Variants in CUX1 observed in about 807,000 individuals in gnomAD.
CUX1 encodes the protein protein CASP.
CUX1 carries 31 observed loss-of-function variants against 158.8 expected under a neutral mutation model. The ratio of observed to expected loss-of-function variants is 0.20; its 90% CI spans 0.15 to 0.26. The LOEUF (loss-of-function observed/expected upper bound fraction) is 0.26, where lower values mean the gene tolerates loss of function less well. Ranked by LOEUF, CUX1 falls within the 10% of genes least tolerant of loss-of-function variation. The probability of loss-of-function intolerance (pLI) is 1.00; values close to 1 mark genes in which losing one functional copy is unlikely to be tolerated. For missense variants in CUX1, 1,589 were observed against 2,014.6 expected (o/e 0.79, Z 4.04); for synonymous variants, 879 against 862.1 (o/e 1.02, Z -0.34).
chr7:101,832,563 G>A (rs190077931), intron 1 of CUX1, among the ~76,000 whole-genome samples: 28 of 152,284 alleles, frequency 1.8e-4, no homozygotes, highest in African/African-American at 6.3e-4. Context: ...CGTGACTCAC[G>A]CGGGGAGTTG....
intron 2 of CUX1, chr7:101,932,701 A>T: frequency 2.3e-6 from 1 of 426,848 alleles, no homozygotes. Flanking sequence ...TCAACAACCC[A>T]CGAAAGGTAT....
In CUX1 at chr7:102,256,844, GGTTGATAC is replaced by G; in HGVS notation, c.*7806_*7813del. 1 of 985,484 alleles carries G rather than the reference GGTTGATAC, an allele frequency of 1.0e-6. No individual in the cohort carries two copies. Among genetic ancestry groups the G allele is most frequent in the Non-Finnish European group, 1.2e-6 (1 of 829,962 alleles). 61.0% of individuals were successfully genotyped at this position (985,484 alleles called of 1,614,324 possible). ...AGTGATTTCTTGCAAGGCCCGCATGGGTTGATACGTTTTGGTTGGTTTTTTGTTGTTGT... is the reference window on the plus strand; with the variant it reads ...AGTGATTTCTTGCAAGGCCCGCATGGGTTTTGGTTGGTTTTTTGTTGTTGT... On this transcript the variant is annotated 3_prime_UTR_variant, in exon 24 of 24. Transcript: ENST00000292535.
chr7:101,841,415 G>A (rs1158920344), intron 1 of CUX1, among the ~76,000 whole-genome samples: 1 of 151,112 alleles, frequency 6.6e-6, no homozygotes, highest in African/African-American at 2.4e-5. Flanking sequence ...TTATCTTACT[G>A]ATCTTGAAAA....
At chr7:102,014,295 C>T (rs1818354792) in intron 2 of CUX1, among the ~76,000 whole-genome samples, 1 of 152,178 alleles carries the variant, frequency 6.6e-6, no homozygotes. Context: ...CACTCACTCC[C>T]ACAACACAGC....
intron 2 of CUX1, among the ~76,000 whole-genome samples, chr7:101,996,695 C>T (rs1815952343): frequency 6.7e-6 from 1 of 148,556 alleles, no homozygotes; most frequent in South Asian, 2.2e-4. Flanking sequence ...TCCTTCCCTC[C>T]GTCTTTTTCC....
At position 101,957,692 on chromosome 7, in the gene CUX1, C is replaced by G. The variant is rs367804033; in HGVS notation, c.141+41467C>G. On this transcript the variant is annotated intron_variant, in intron 2 of 23. Transcript: ENST00000292535. ...AGTGAGCTGAGATCACGCCACTGCA[C>G]TCCAGCCTGGGCAACAGAGTGAGAT... 5.3e-5 allele frequency among the ~76,000 whole-genome samples: 8 copies of G among 152,218 alleles called. No individual in the cohort carries two copies. In the East Asian group the frequency reaches 9.6e-4, roughly 18 times the overall value.
intron 1 of CUX1, among the ~76,000 whole-genome samples, chr7:101,876,257 G>A (rs1006599943): frequency 1.4e-5 from 2 of 147,866 alleles, no homozygotes; most frequent in African/African-American, 2.5e-5. Context: ...AGGCAGGAGA[G>A]TCGCTTGATC....
chr7:102,155,049 C>G (rs953523752), intron 8 of CUX1, among the ~76,000 whole-genome samples: 6 of 152,168 alleles, frequency 3.9e-5, no homozygotes, highest in Non-Finnish European at 7.3e-5. Context: ...TCTTTTAAAT[C>G]TATGACATAG....
chr7:102,027,327 C>G (rs1199792281), intron 2 of CUX1, among the ~76,000 whole-genome samples: 1 of 151,832 alleles, frequency 6.6e-6, no homozygotes, highest in East Asian at 1.9e-4. Flanking sequence ...GAGCTGAGAT[C>G]TTGCCACTGC....
upstream of CUX1, chr7:101,816,019 A>G: frequency 2.1e-6 from 3 of 1,419,110 alleles, no homozygotes; most frequent in South Asian, 1.2e-5. Context: ...CTCCGTCTCA[A>G]TATGTCTCAA....
chr7:102,200,975 C>T (rs1490251584), intron 17 of CUX1, among the ~76,000 whole-genome samples: 2 of 135,652 alleles, frequency 1.5e-5, no homozygotes, highest in Admixed American at 8.3e-5. Flanking sequence ...TACAGTGAGC[C>T]GTGATCGTGC....
intron 3 of CUX1, among the ~76,000 whole-genome samples, chr7:102,058,128 A>AT (rs1402581369): frequency 6.6e-6 from 1 of 152,236 alleles, no homozygotes; most frequent in Non-Finnish European, 1.5e-5. Flanking sequence ...GCAATAAAGC[A>AT]TTTTTTAATT....
At chr7:101,859,306 T>C (rs927132155) in intron 1 of CUX1, among the ~76,000 whole-genome samples, 1 of 152,212 alleles carries the variant, frequency 6.6e-6, no homozygotes, top group Admixed American at 6.5e-5. Flanking sequence ...GCTGAACACA[T>C]TAACTTTTAA....
At chr7:102,132,733 G>T (rs1395130835) in intron 8 of CUX1, among the ~76,000 whole-genome samples, 1 of 139,786 alleles carries the variant, frequency 7.2e-6, no homozygotes, top group Non-Finnish European at 1.5e-5. Context: ...TTGCAGTGGC[G>T]CAATCTCTGC....
intron 2 of CUX1, among the ~76,000 whole-genome samples, chr7:101,934,900 C>T (rs1036551361): frequency 2.6e-5 from 4 of 151,920 alleles, no homozygotes; most frequent in Non-Finnish European, 4.4e-5. Flanking sequence ...TTGCCGTGTT[C>T]TCTAGGAGTA....
chr7:101,824,711 C>T (rs970864363), intron 1 of CUX1: 12 of 152,178 alleles, frequency 7.9e-5, no homozygotes, highest in African/African-American at 2.9e-4. Context: ...CCAAGCCTGT[C>T]CCTTCCTGTG....
intron 8 of CUX1, among the ~76,000 whole-genome samples, chr7:102,119,075 A>G (rs1343281213): frequency 1.3e-5 from 2 of 152,130 alleles, no homozygotes; most frequent in East Asian, 3.8e-4. Flanking sequence ...AAGAGGCAGG[A>G]ATGGGATGTG....
intron 4 of CUX1, among the ~76,000 whole-genome samples, chr7:102,091,049 G>A (rs1828533983): frequency 6.6e-6 from 1 of 152,122 alleles, no homozygotes; most frequent in South Asian, 2.1e-4. Flanking sequence ...TGTGATATAA[G>A]GCATTGAACC....
In CUX1 at chr7:101,970,308, T is replaced by A. The variant is rs539097533; in HGVS notation, c.141+54083T>A. ...ACGGCTGGCCTTGACTTTGAGTCCTTCCATCCCAGGTGCTTTAGAGACAGA... is the reference window on the plus strand; with the variant it reads ...ACGGCTGGCCTTGACTTTGAGTCCTACCATCCCAGGTGCTTTAGAGACAGA... On this transcript the variant is annotated intron_variant, in intron 2 of 23. Coordinates refer to ENST00000292535, the MANE Select transcript of CUX1 (RefSeq NM_181552.4). Among the ~76,000 whole-genome samples the A allele has an allele frequency of 4.6e-5, 7 of 152,008 alleles. No individual in the cohort carries two copies. The South Asian group carries it at 1.2e-3, about 27-fold the overall frequency.
Sources: gnomAD v4.1 joint callset for allele counts (sites outside exome capture counted in the v4.1 genomes callset) on GRCh38, gnomAD v4.1.1 for gene constraint, MANE v1.5 for transcripts, NCBI Gene and HGNC (gene_info 2026-07-23, HGNC 2026-07-21) for gene names.